Variants in ERLIN2 observed in about 807,000 individuals in gnomAD.
ERLIN2 encodes the protein erlin-2.
In ERLIN2, 22 loss-of-function variants were observed where a neutral mutation model predicts 41.5. That is an observed-to-expected ratio of 0.53 (90% CI 0.38 to 0.76). The LOEUF is 0.76. ERLIN2 is among the 30% of genes least tolerant of loss of function. The pLI is 0.00. For missense variants in ERLIN2, 247 were observed against 414.3 expected (o/e 0.60, Z 3.51); for synonymous variants, 149 against 150.9 (o/e 0.99, Z 0.09).
chr8:37,743,240 C>T (rs1272583858), intron 4 of ERLIN2, among the ~76,000 whole-genome samples: 1 of 152,204 alleles, frequency 6.6e-6, no homozygotes, highest in Non-Finnish European at 1.5e-5. Context: ...ACGACAGAAA[C>T]TATATGAGTC....
intron 6 of ERLIN2, chr8:37,745,844 TTC>T: frequency 7.4e-7 from 1 of 1,351,468 alleles, no homozygotes; most frequent in Non-Finnish European, 9.5e-7. Flanking sequence ...CCGTTGATTT[TTC>T]TTTTTAACCT....
chr8:37,739,664 G>A (rs771982098), intron 2 of ERLIN2, among the ~76,000 whole-genome samples: 2 of 151,826 alleles, frequency 1.3e-5, no homozygotes, highest in African/African-American at 2.4e-5. Context: ...TAGTAGAGAC[G>A]AGGTTTCACC....
Position 37,754,359 on chromosome 8 carries a change from G to GA in ERLIN2, c.*245dup. On this transcript the variant is annotated 3_prime_UTR_variant, in exon 12 of 12. Transcript: ENST00000519638. The stretch of plus-strand genomic sequence containing the variant: ...AATAAGATTTGTAAATCATGGGCTT[G>GA]ACCTTTGACCTCTAGACACTAATTT... 1 of 506,296 alleles carries GA rather than the reference G, an allele frequency of 2.0e-6. No individual in the cohort carries two copies. The highest frequency in any genetic ancestry group is 2.0e-5 in the South Asian group (1 of 48,834). 31.4% of individuals were successfully genotyped at this position (506,296 alleles called of 1,614,324 possible). A position where few individuals can be genotyped will look rare whatever the true frequency, so the allele number is the denominator to read the frequency against.
chr8:37,745,519 C>T, intron 6 of ERLIN2: 2 of 1,591,816 alleles, frequency 1.3e-6, no homozygotes, highest in Non-Finnish European at 1.7e-6. Context: ...ATAGCCAATG[C>T]CAAAAGTAAA....
rs759793589 is a variant in ERLIN2 at position 37,741,859 on chromosome 8, A to G, written c.236+41A>G. The G allele has an allele frequency of 6.6e-7, 1 of 1,511,656 alleles. No individual in the cohort carries two copies. Among genetic ancestry groups the G allele is most frequent in the Non-Finnish European group, 9.2e-7 (1 of 1,086,538 alleles). The allele number at this position is 1,511,656 out of a possible 1,614,324, so 93.6% of individuals were successfully genotyped here. ...TAAAGCTTTTAAGCCCAAATAAGTC[A>G]GAGAAAAGGCTGTCTGGCTGGTTGC... On this transcript the variant is annotated intron_variant, in intron 4 of 11. Coordinates refer to ENST00000519638, the MANE Select transcript of ERLIN2 (RefSeq NM_007175.8). This position sits in a 1 kb window ranked among gnomAD's most constrained non-coding sequence, Gnocchi z 4.8.
At position 37,744,546 on chromosome 8, in the gene ERLIN2, G is replaced by A. The variant is rs1372181266; in HGVS notation, c.299-25G>A. ...CATTTTGAGTCTTGCCTTTTCTTAT[G>A]CCAAGCCCTCTCCTTCCCTCTCAGT... On this transcript the variant is annotated intron_variant, in intron 5 of 11. Coordinates refer to ENST00000519638, the MANE Select transcript of ERLIN2 (RefSeq NM_007175.8). 11 of 1,613,964 alleles carry A rather than the reference G, an allele frequency of 6.8e-6. No individual in the cohort carries two copies. The Admixed American group carries it at 1.8e-4, about 27-fold the overall frequency.
At chr8:37,744,157 G>A (rs1057060294) in intron 4 of ERLIN2, among the ~76,000 whole-genome samples, 198 bp from the exon 5 acceptor site, 1 of 152,186 alleles carries the variant, frequency 6.6e-6, no homozygotes, top group African/African-American at 2.4e-5. Flanking sequence ...TTCCTAGGCA[G>A]TGTGATTTCT....
At position 37,744,376 on chromosome 8, in the gene ERLIN2, T is replaced by C. The variant is rs141432407; in HGVS notation, c.258T>C (p.Phe86=). 1.2e-6 allele frequency: 2 copies of C among 1,614,036 alleles called. No individual in the cohort carries two copies. The highest frequency in any genetic ancestry group is 1.7e-6 in the Non-Finnish European group (2 of 1,179,994). Residue 86 remains phenylalanine (F), a synonymous_variant, in exon 5 of 12, where the codon TTT becomes TTC. Coordinates refer to ENST00000519638, the MANE Select transcript of ERLIN2 (RefSeq NM_007175.8). The part of the protein sequence containing the change: ...CGTSGGVMIY[F]DRIEVVNFLV... The stretch of plus-strand genomic sequence containing the variant: ...ATAGTGGTGGTGTGATGATCTACTT[T>C]GACAGAATTGAAGTGGTGAACTTCC...
chr8:37,751,152 A>G (rs1454735103), intron 9 of ERLIN2, among the ~76,000 whole-genome samples: 1 of 152,196 alleles, frequency 6.6e-6, no homozygotes, highest in African/African-American at 2.4e-5. Context: ...ATTATCCTTA[A>G]CCTCATTTTA....
At chr8:37,752,822 G>T (rs1803252697) in intron 10 of ERLIN2, among the ~76,000 whole-genome samples, 1 of 152,220 alleles carries the variant, frequency 6.6e-6, no homozygotes, top group South Asian at 2.1e-4. Context: ...AACACGTGTT[G>T]GTCTGGACCA....
At position 37,738,046 on chromosome 8, in the gene ERLIN2, G is replaced by T; in HGVS notation, c.107+17G>T. ...ATATTACAGGTAAGGCAGAGACAGG[G>T]AGAAGCCGGCAACTTCCTGTTAAAT... On this transcript the variant is annotated intron_variant, in intron 2 of 11. Coordinates refer to ENST00000519638, the MANE Select transcript of ERLIN2 (RefSeq NM_007175.8). 1.2e-6 allele frequency: 2 copies of T among 1,613,958 alleles called. No individual in the cohort carries two copies. The highest frequency in any genetic ancestry group is 1.1e-5 in the South Asian group (1 of 91,050).
In ERLIN2 at chr8:37,750,327, G is replaced by A. The variant is rs922066274; in HGVS notation, c.558-68G>A. ...TTGCCTCTCTTCAGCAGAAGAATTC[G>A]ACTTACCTGGGGATAGTGAAGCTCC... On this transcript the variant is annotated intron_variant, in intron 8 of 11. Coordinates refer to ENST00000519638, the MANE Select transcript of ERLIN2 (RefSeq NM_007175.8). The A allele has an allele frequency of 6.1e-5, 77 of 1,255,958 alleles. No individual in the cohort carries two copies. The African/African-American group carries it at 6.2e-4, about 10-fold the overall frequency. 77.8% of individuals were successfully genotyped at this position (1,255,958 alleles called of 1,614,324 possible).
intron 11 of ERLIN2, 106 bp from the exon 12 acceptor site, chr8:37,753,809 A>G (rs1412007003): frequency 4.9e-5 from 48 of 983,068 alleles, no homozygotes; most frequent in Non-Finnish European, 7.1e-5. Context: ...TGAGACCACA[A>G]AAAGTAGGTA....
At chr8:37,750,674 T>C (rs1803197800) in intron 9 of ERLIN2, among the ~76,000 whole-genome samples, 188 bp downstream of exon 9, 2 of 152,224 alleles carry the variant, frequency 1.3e-5, no homozygotes, top group Admixed American at 1.3e-4. Context: ...AATGAGTTTT[T>C]TGAGTTTCCA....
At chr8:37,740,161 A>G (rs1802798998) in intron 2 of ERLIN2, among the ~76,000 whole-genome samples, 1 of 152,160 alleles carries the variant, frequency 6.6e-6, no homozygotes, top group Admixed American at 6.6e-5. Flanking sequence ...AGCATGAACA[A>G]TAGTTTTATG....
rs1802977391 is a variant in ERLIN2, at chr8:37,744,709, C to T, written c.424+13C>T. 7 of 1,614,164 alleles carry T rather than the reference C, an allele frequency of 4.3e-6. No homozygotes were observed. Among genetic ancestry groups the T allele is most frequent in the Non-Finnish European group, 5.1e-6 (6 of 1,179,986 alleles). On this transcript the variant is annotated intron_variant, in intron 6 of 11. Transcript: ENST00000519638. ...ATTGAGCTGTTTGGTAAGAAAGTCT[C>T]TCCTGAGCATGCCGTGCTTAAGCAG...
intron 11 of ERLIN2, 143 bp downstream of exon 11, chr8:37,753,672 A>G (rs1265501117): frequency 1.2e-6 from 1 of 817,522 alleles, no homozygotes; most frequent in Non-Finnish European, 2.1e-6. Flanking sequence ...TGGTGCAGGT[A>G]CTTTCCTTCT....
At chr8:37,753,362 G>A in intron 10 of ERLIN2, 88 bp from the exon 11 acceptor site, 1 of 1,120,548 alleles carries the variant, frequency 8.9e-7, no homozygotes, top group South Asian at 1.3e-5. Context: ...CCAGGGACCA[G>A]AACAGAGTCT....
Position 37,750,600 on chromosome 8 carries a change from A to G in ERLIN2, c.649+114A>G. On this transcript the variant is annotated intron_variant, in intron 9 of 11. Coordinates refer to ENST00000519638, the MANE Select transcript of ERLIN2 (RefSeq NM_007175.8). ...CCATGGTCCTCCAAACCACTTCCAC[A>G]GCACAGGAGTGGCAGGTGGACTCCC... The G allele has an allele frequency of 1.8e-5, 15 of 843,104 alleles. No individual in the cohort carries two copies. The South Asian group carries it at 1.9e-4, about 11-fold the overall frequency. The allele number at this position is 843,104 out of a possible 1,614,324, so 52.2% of individuals were successfully genotyped here.
Sources: allele counts gnomAD v4.1 joint callset (sites outside exome capture counted in the v4.1 genomes callset), GRCh38; gene constraint gnomAD v4.1.1; non-coding constraint Gnocchi (gnomAD v3.1); transcripts MANE v1.5; gene names NCBI Gene and HGNC (gene_info 2026-07-23, HGNC 2026-07-21).